SPEN: variants seen among roughly 807,000 people sequenced by gnomAD.
SPEN encodes the protein msx2-interacting protein.
A neutral mutation model predicts 269.9 loss-of-function variants in SPEN; 18 were observed. The observed-to-expected ratio is 0.07, with a 90% CI of 0.05 to 0.10. The LOEUF (loss-of-function observed/expected upper bound fraction) is 0.10, where lower values mean the gene tolerates loss of function less well. Among genes scored for constraint, SPEN ranks in the 10% least tolerant of loss-of-function variants. The pLI is 1.00. For missense variants in SPEN, 3,822 were observed against 4,631.2 expected, an observed-to-expected ratio of 0.83 and a Z score of 5.07; for synonymous variants, 1,726 against 1,765.7, an observed-to-expected ratio of 0.98 and a Z score of 0.56.
intron 6 of SPEN, 38 bp from the exon 7 acceptor site, chr1:15,918,888 T>C (rs1396909468): frequency 6.4e-7 from 1 of 1,555,810 alleles, no homozygotes; most frequent in Non-Finnish European, 8.7e-7. Context: ...TTTATTTTCT[T>C]GGGCATATTG....
In SPEN at chr1:15,933,698, T is replaced by A; in HGVS notation, c.7458T>A (p.Ser2486=). 8 of 1,614,110 alleles carry A rather than the reference T, an allele frequency of 5.0e-6. No homozygotes were observed. Among genetic ancestry groups the A allele is most frequent in the Non-Finnish European group, 6.8e-6 (8 of 1,180,000 alleles). The stretch of plus-strand genomic sequence containing the variant: ...CAAAGCTCTCACCTCCTGTCGCCTC[T>A]GGGGGGATCCCACACCAGAGCCCCC... ...TAAKLSPPVA[S]GGIPHQSPPT... Residue 2486 remains serine, a synonymous_variant, in exon 11 of 15, where the codon TCT becomes TCA. Coordinates refer to ENST00000375759, the MANE Select transcript of SPEN (RefSeq NM_015001.3). The surrounding 1 kb of genome is among the most constrained non-coding windows in gnomAD (Gnocchi z 5.7).
chr1:15,911,284 CAGCATGGAT>C lies in SPEN; in HGVS notation c.1229_1237del (p.Ala410_Ile412del). The C allele has an allele frequency of 6.2e-7, 1 of 1,614,048 alleles. No individual in the cohort carries two copies. Among genetic ancestry groups the C allele is most frequent in the Non-Finnish European group, 8.5e-7 (1 of 1,179,950 alleles). On this transcript the variant is annotated inframe_deletion, in exon 5 of 15. Coordinates refer to ENST00000375759, the MANE Select transcript of SPEN (RefSeq NM_015001.3). ...TTCTTTGGCATGCAGATTGAAGTAA[CAGCATGGAT>C]AGGTCCAGGTAAGACACAAGCAAGC... is the stretch of plus-strand genomic sequence containing the variant.
rs778619433 is a variant in SPEN at position 15,929,677 on chromosome 1, G to A, written c.3437G>A (p.Gly1146Asp). Residue 1146 changes from glycine to aspartate, a missense_variant, in exon 11 of 15, where the codon GGC becomes GAC. Physicochemically the swap from Gly to Asp is moderately conservative, Grantham distance 94. This residue lies in a region of SPEN where 572 missense variants were observed against 582.6 expected (regional missense o/e 0.98). Coordinates refer to ENST00000375759, the MANE Select transcript of SPEN (RefSeq NM_015001.3). This position sits in a 1 kb window ranked among gnomAD's most constrained non-coding sequence, Gnocchi z 5.8. Reference protein sequence around the residue: ...LRDETPERKSGQEKSHSVNTE... With the variant: ...LRDETPERKSDQEKSHSVNTE... ...GATGAAACACCTGAACGTAAATCAGGCCAAGAGAAATCACATTCAGTAAAT... is the reference window on the plus strand; with the variant it reads ...GATGAAACACCTGAACGTAAATCAGACCAAGAGAAATCACATTCAGTAAAT... The A allele has an allele frequency of 8.1e-6, 13 of 1,614,106 alleles. No individual in the cohort carries two copies. The South Asian group carries it at 1.4e-4, about 18-fold the overall frequency.
At chr1:15,906,773 C>CTT (rs1229092780) in intron 3 of SPEN, among the ~76,000 whole-genome samples, 4,073 of 96,456 alleles carry the variant, frequency 0.042, 409 homozygotes, top group African/African-American at 0.17. Flanking sequence ...ATGTTTTCAT[C>CTT]TTTTTTTTTT....
At chr1:15,911,376 A>T in intron 5 of SPEN, 75 bp downstream of exon 5, 1 of 1,213,512 alleles carries the variant, frequency 8.2e-7, no homozygotes, top group Non-Finnish European at 1.2e-6. Flanking sequence ...AGAGGGCAGC[A>T]TATGATCCTG....
rs528423878 is a variant in SPEN at position 15,907,384 on chromosome 1, G to A, written c.882-1937G>A. On this transcript the variant is annotated intron_variant, in intron 3 of 14. Coordinates refer to ENST00000375759, the MANE Select transcript of SPEN (RefSeq NM_015001.3). ...GTAATCCCAGCTACTCGGGAGGCAC[G>A]AGAATCACTTGAACCCAAGAGGTGG... is the stretch of plus-strand genomic sequence containing the variant. Among the ~76,000 whole-genome samples the A allele has an allele frequency of 5.9e-5, 9 of 152,134 alleles. No homozygotes were observed. The East Asian group carries it at 1.2e-3, about 20-fold the overall frequency.
At chr1:15,904,458 A>AAAAAAAAAAAAAAAAAAAAG (rs2070935310) in intron 3 of SPEN, among the ~76,000 whole-genome samples, 1 of 118,218 alleles carries the variant, frequency 8.5e-6, no homozygotes, top group Non-Finnish European at 1.8e-5. Context: ...ATCTCAAAAA[A>AAAAAAAAAAAAAAAAAAAAG]AAAAAAAAAA....
chr1:15,867,785 A>G (rs1199677612), intron 1 of SPEN, among the ~76,000 whole-genome samples: 1 of 151,054 alleles, frequency 6.6e-6, no homozygotes, highest in Non-Finnish European at 1.5e-5. Context: ...GATTTCCCTA[A>G]TGACTAATGA....
At chr1:15,856,830 T>C (rs1189796853) in intron 1 of SPEN, among the ~76,000 whole-genome samples, 1 of 151,986 alleles carries the variant, frequency 6.6e-6, no homozygotes, top group Non-Finnish European at 1.5e-5. Context: ...GACTTTACAA[T>C]GTGCTGGGAT....
At position 15,939,728 on chromosome 1, in the gene SPEN, T is replaced by C; in HGVS notation, c.*301T>C. Reference sequence around the variant, plus strand: ...GGAGAAAAGGAACAGGGCAGTGGAATGAAAATTTTTTGTTTGTTTGTTTTT... The same window carrying C: ...GGAGAAAAGGAACAGGGCAGTGGAACGAAAATTTTTTGTTTGTTTGTTTTT... On this transcript the variant is annotated 3_prime_UTR_variant, in exon 15 of 15. Coordinates refer to ENST00000375759, the MANE Select transcript of SPEN (RefSeq NM_015001.3). This position sits in a 1 kb window ranked among gnomAD's most constrained non-coding sequence, Gnocchi z 4.1. 1 of 291,048 alleles carries C rather than the reference T, an allele frequency of 3.4e-6. No homozygotes were observed. The highest frequency in any genetic ancestry group is 6.4e-6 in the Non-Finnish European group (1 of 156,772). 18.0% of individuals were successfully genotyped at this position (291,048 alleles called of 1,614,324 possible).
intron 3 of SPEN, among the ~76,000 whole-genome samples, chr1:15,901,802 C>T (rs1411574822): frequency 6.6e-6 from 1 of 151,570 alleles, no homozygotes; most frequent in African/African-American, 2.4e-5. Context: ...AATTATTGGG[C>T]TTTCATTTAT....
intron 10 of SPEN, among the ~76,000 whole-genome samples, chr1:15,926,369 G>C (rs1469315068): frequency 6.7e-6 from 1 of 149,228 alleles, no homozygotes; most frequent in Non-Finnish European, 1.5e-5. Flanking sequence ...CTGCACTCCA[G>C]CTCAGATATA....
intron 3 of SPEN, among the ~76,000 whole-genome samples, chr1:15,894,102 A>AAC (rs934244614): frequency 9.9e-5 from 15 of 152,254 alleles, no homozygotes; most frequent in Middle Eastern, 3.4e-3. Flanking sequence ...TTGGAATTAA[A>AAC]ACACACACAC....
At chr1:15,903,909 CAACTT>C (rs2070926804) in intron 3 of SPEN, among the ~76,000 whole-genome samples, 1 of 152,130 alleles carries the variant, frequency 6.6e-6, no homozygotes, top group South Asian at 2.1e-4. Flanking sequence ...TTCTTTAAGA[CAACTT>C]AGATTAGCTT....
chr1:15,888,602 G>A (rs2070760496), intron 3 of SPEN, among the ~76,000 whole-genome samples: 2 of 151,558 alleles, frequency 1.3e-5, no homozygotes, highest in East Asian at 3.9e-4. Context: ...GGGATTATAG[G>A]CATGAGCTAC....
Position 15,930,570 on chromosome 1 carries a change from A to C in SPEN, c.4330A>C (p.Thr1444Pro). Residue 1444 changes from threonine (T) to proline (P), a missense_variant, in exon 11 of 15, where the codon ACT becomes CCT. Thr to Pro is a conservative substitution (Grantham distance 38, BLOSUM62 -1). Around this residue, in one of 16 missense-constraint regions of SPEN, gnomAD observed 267 missense variants for 315.5 expected, o/e 0.85. Transcript: ENST00000375759. This position sits in a 1 kb window ranked among gnomAD's most constrained non-coding sequence, Gnocchi z 5.3. ...ATTGGATAAGACAATCACACCAGAC[A>C]CTAAAGCTTTGCTTGAAAGAGCTAA... ...FALDKTITPDTKALLERAKSL... is the reference protein window; with the variant it reads ...FALDKTITPDPKALLERAKSL... 6.2e-7 allele frequency: 1 copy of C among 1,614,092 alleles called. No homozygotes were observed. The highest frequency in any genetic ancestry group is 8.5e-7 in the Non-Finnish European group (1 of 1,179,950).
chr1:15,905,361 A>G (rs1473902748), intron 3 of SPEN, among the ~76,000 whole-genome samples: 1 of 150,126 alleles, frequency 6.7e-6, no homozygotes, highest in African/African-American at 2.5e-5. Flanking sequence ...AGCTGGGATT[A>G]CAGGCATGAG....
Position 15,853,412 on chromosome 1 carries a change from C to T in SPEN, c.83+5262C>T, listed in dbSNP as rs1407668868. On this transcript the variant is annotated intron_variant, in intron 1 of 14. Coordinates refer to ENST00000375759, the MANE Select transcript of SPEN (RefSeq NM_015001.3). ...GTGTTGGCCAGGCTGGTCTTGAACT[C>T]CTGACCTCAGGCGACCCACCTGCCT... Among the ~76,000 whole-genome samples, 5 of 151,372 alleles carry T rather than the reference C, an allele frequency of 3.3e-5. No homozygotes were observed. In the East Asian group the frequency reaches 9.8e-4, roughly 30 times the overall value.
intron 3 of SPEN, among the ~76,000 whole-genome samples, chr1:15,890,482 G>A (rs921715129): frequency 2.0e-5 from 3 of 150,296 alleles, no homozygotes; most frequent in South Asian, 4.2e-4. Flanking sequence ...CGCCCACCCC[G>A]ACCTCCCAAA....
Sources: gnomAD v4.1 joint callset for allele counts (sites outside exome capture counted in the v4.1 genomes callset) on GRCh38, gnomAD v4.1.1 for gene constraint, gnomAD v4.1.1 regional missense constraint, Gnocchi (gnomAD v3.1) non-coding constraint, MANE v1.5 for transcripts, NCBI Gene and HGNC (gene_info 2026-07-23, HGNC 2026-07-21) for gene names.